The following ITGB1BP2 variants were observed in gnomAD, a reference collection of about 807,000 sequenced individuals.
The protein encoded by ITGB1BP2 is integrin subunit beta 1 binding protein 2.
ITGB1BP2 carries 27 observed loss-of-function variants against 32.2 expected under a neutral mutation model. That is an observed-to-expected ratio of 0.84 (90% CI 0.62 to 1.16). The LOEUF is 1.16. ITGB1BP2 is among the 50% of genes most tolerant of loss of function. The pLI, the probability that ITGB1BP2 is intolerant of heterozygous loss-of-function variation, is 0.00. For synonymous variants in ITGB1BP2, 105 were observed against 94.7 expected (o/e 1.11, Z -0.63); for missense variants, 250 against 267.3 (o/e 0.94, Z 0.45).
chrX:71,302,361 C>T (rs1343932552), intron 3 of ITGB1BP2, 28 bp downstream of exon 3: 2 of 1,207,012 alleles, frequency 1.7e-6, no homozygotes, highest in Admixed American at 2.2e-5. Flanking sequence ...TTGGATTCTG[C>T]CCCCAATAGA....
At position 71,303,881 on chromosome X, in the gene ITGB1BP2, C is replaced by T. The variant is rs1011408586; in HGVS notation, c.609C>T (p.Cys203=). 1.7e-5 allele frequency: 20 copies of T among 1,208,331 alleles called. No individual in the cohort carries two copies. Among genetic ancestry groups the T allele is most frequent in the Non-Finnish European group, 2.2e-5 (20 of 893,668 alleles). Residue 203 remains cysteine, a synonymous_variant, in exon 8 of 11, where the codon TGC becomes TGT. Coordinates refer to ENST00000373829, the MANE Select transcript of ITGB1BP2 (RefSeq NM_012278.4). ...DFGAFLAQPG[C]RVGRHDWGKQ... ...GGGCATTCTTGGCACAACCAGGGTG[C>T]AGAGTCGGTAGACATGACTGGGGGA... is the stretch of plus-strand genomic sequence containing the variant.
Position 71,305,189 on chromosome X carries a change from A to G in ITGB1BP2, c.1041A>G (p.Glu347=). 8.4e-7 allele frequency: 1 copy of G among 1,187,398 alleles called. No homozygotes were observed. Among genetic ancestry groups the G allele is most frequent in the Non-Finnish European group, 1.1e-6 (1 of 877,291 alleles). ...AGGAAGAGGAGGAAGCAATGGGGGA[A>G]TAGTGACACCAGACAGTTGATGTCT... ...EEEEEEEAMG[E] is the part of the protein sequence containing the mutation. The change falls in exon 11 of 11, where the codon GAA becomes GAG. Residue 347 remains glutamate (E), a synonymous_variant. Transcript: ENST00000373829.
intron 4 of ITGB1BP2, 150 bp from the exon 5 acceptor site, chrX:71,303,112 A>G: frequency 2.1e-6 from 1 of 475,749 alleles, no homozygotes; most frequent in Non-Finnish European, 3.6e-6. Context: ...GTCCACAGAG[A>G]TGAAAATTGG....
At chrX:71,302,049 C>G in intron 1 of ITGB1BP2, 88 bp from the exon 2 acceptor site, 1 of 1,019,876 alleles carries the variant, frequency 9.8e-7, no homozygotes. Flanking sequence ...TGGGAAGAAA[C>G]CATAAATAGA....
rs536662823 is a variant in ITGB1BP2 at position 71,302,065 on chromosome X, G to A, written c.65-72G>A. 6.9e-5 allele frequency: 75 copies of A among 1,080,275 alleles called. No individual in the cohort carries two copies. The South Asian group carries it at 1.3e-3, about 19-fold the overall frequency. 89.0% of individuals were successfully genotyped at this position (1,080,275 alleles called of 1,213,427 possible). On this transcript the variant is annotated intron_variant, in intron 1 of 10. Coordinates refer to ENST00000373829, the MANE Select transcript of ITGB1BP2 (RefSeq NM_012278.4). The stretch of plus-strand genomic sequence containing the variant: ...GGGAAGAAACCATAAATAGAAACCC[G>A]GGGAAGAGGTGAAAAATGATACTTG...
intron 10 of ITGB1BP2, 88 bp from the exon 11 acceptor site, chrX:71,304,877 T>G: frequency 1.4e-6 from 1 of 706,795 alleles, no homozygotes; most frequent in Non-Finnish European, 2.1e-6. Context: ...AAAATTTCTC[T>G]CTCTCATTTG....
chrX:71,304,406 C>G (rs970308152), intron 9 of ITGB1BP2, 106 bp downstream of exon 9: 2 of 867,148 alleles, frequency 2.3e-6, no homozygotes, highest in African/African-American at 4.0e-5. Flanking sequence ...CCATAGTACC[C>G]TTAGAGGAAA....
chrX:71,303,424 G>T (rs746927439), intron 5 of ITGB1BP2, 37 bp from the exon 6 acceptor site: 4 of 1,209,819 alleles, frequency 3.3e-6, no homozygotes, highest in Non-Finnish European at 2.2e-6. Flanking sequence ...TTGAGTGGGG[G>T]GATGGATAAG....
At position 71,302,120 on chromosome X, in the gene ITGB1BP2, TCTA is replaced by T; in HGVS notation, c.65-14_65-12del. 3.3e-6 allele frequency: 4 copies of T among 1,205,172 alleles called. No homozygotes were observed. Among genetic ancestry groups the T allele is most frequent in the Admixed American group, 2.2e-5 (1 of 45,405 alleles). On this transcript the variant is annotated splice_polypyrimidine_tract_variant and intron_variant, in intron 1 of 10. Transcript: ENST00000373829. ...AGTTATCTTCCCTTCCTTGATAACT[TCTA>T]CTGATGTCCACAGATTCCTGTTGCC...
At chrX:71,302,063 C>T (rs2031620928) in intron 1 of ITGB1BP2, 74 bp from the exon 2 acceptor site, 1 of 1,080,616 alleles carries the variant, frequency 9.3e-7, no homozygotes, top group African/African-American at 1.9e-5. Context: ...AAATAGAAAC[C>T]CGGGGAAGAG....
chrX:71,304,742 C>G (rs2031668540), intron 10 of ITGB1BP2, 138 bp downstream of exon 10: 1 of 514,115 alleles, frequency 1.9e-6, no homozygotes, highest in Admixed American at 3.7e-5. Context: ...CATTTTCTCT[C>G]TCTCTCCTAC....
chrX:71,304,223 G>A lies in ITGB1BP2; in HGVS notation c.676G>A (p.Asp226Asn), dbSNP rs1436801082. Residue 226 changes from aspartate (D) to asparagine (N), a missense_variant, in exon 9 of 11, where the codon GAT becomes AAT. Physicochemically the swap from Asp to Asn is conservative, Grantham distance 23 (BLOSUM62 1). Coordinates refer to ENST00000373829, the MANE Select transcript of ITGB1BP2 (RefSeq NM_012278.4). ...TTGCCGCCATGATTGGCACCAGACA[G>A]ATTCCTTAGTAGTGGTGACTGTATA... is the stretch of plus-strand genomic sequence containing the variant. ...ASCRHDWHQT[D>N]SLVVVTVYGQ... The A allele has an allele frequency of 8.3e-6, 10 of 1,209,206 alleles. No individual in the cohort carries two copies. Among genetic ancestry groups the A allele is most frequent in the African/African-American group, 7.0e-5 (4 of 57,227 alleles).
chrX:71,303,745 C>G (rs1321035656), intron 7 of ITGB1BP2, 48 bp downstream of exon 7: 1 of 1,184,684 alleles, frequency 8.4e-7, no homozygotes, highest in Non-Finnish European at 1.1e-6. Flanking sequence ...ACAGGTTTCT[C>G]CTAATATTTG....
At chrX:71,304,758 C>G (rs943517324) in intron 10 of ITGB1BP2, 154 bp downstream of exon 10, 3 of 495,671 alleles carry the variant, frequency 6.1e-6, no homozygotes. Flanking sequence ...CCTACTCTTC[C>G]TATTTCCCTC....
At chrX:71,302,585 C>A in intron 4 of ITGB1BP2, 29 bp downstream of exon 4, 2 of 1,176,792 alleles carry the variant, frequency 1.7e-6, no homozygotes, top group Non-Finnish European at 2.3e-6. Flanking sequence ...CTGGACTTTT[C>A]TTATTTTCAT....
At position 71,301,872 on chromosome X, in the gene ITGB1BP2, T is replaced by C; in HGVS notation, c.64+2T>C. The C allele has an allele frequency of 1.7e-6, 2 of 1,199,979 alleles. No homozygotes were observed. Among genetic ancestry groups the C allele is most frequent in the Non-Finnish European group, 2.3e-6 (2 of 885,106 alleles). On this transcript the variant is annotated splice_donor_variant, in intron 1 of 10. Coordinates refer to ENST00000373829, the MANE Select transcript of ITGB1BP2 (RefSeq NM_012278.4). LOFTEE classifies it high-confidence loss of function. ...TTGACCCTAATACCAACCTTCCTGG[T>C]GAGTAAAGAATCCTGACCTGGCCAG...
In ITGB1BP2 at chrX:71,303,926, T is replaced by C. The variant is rs1023260145; in HGVS notation, c.639+15T>C. 1 of 1,156,346 alleles carries C rather than the reference T, an allele frequency of 8.6e-7. No homozygotes were observed. Among genetic ancestry groups the C allele is most frequent in the Non-Finnish European group, 1.2e-6 (1 of 851,257 alleles). On this transcript the variant is annotated intron_variant, in intron 8 of 10. Coordinates refer to ENST00000373829, the MANE Select transcript of ITGB1BP2 (RefSeq NM_012278.4). ...GGGGGAAGCAGGTAAGCCCCAGCTT[T>C]CCTGAACTCTTGATTAGAACCCAAT...
In ITGB1BP2 at chrX:71,302,191, G is replaced by A. The variant is rs200588853; in HGVS notation, c.114+5G>A. On this transcript the variant is annotated splice_donor_5th_base_variant and intron_variant, in intron 2 of 10. Transcript: ENST00000373829. Reference sequence around the variant, plus strand: ...ATCTTCCATGATGCACTTAAGGTGAGGAGTAGGTGAGGGGGGTTAGCAAGA... The same window carrying A: ...ATCTTCCATGATGCACTTAAGGTGAAGAGTAGGTGAGGGGGGTTAGCAAGA... The A allele has an allele frequency of 4.1e-6, 5 of 1,208,509 alleles. No individual in the cohort carries two copies. The highest frequency in any genetic ancestry group is 5.6e-6 in the Non-Finnish European group (5 of 894,720).
chrX:71,304,124 A>G (rs1454648770), intron 8 of ITGB1BP2, 63 bp from the exon 9 acceptor site: 2 of 905,601 alleles, frequency 2.2e-6, no homozygotes, highest in Non-Finnish European at 3.2e-6. Flanking sequence ...CACGTGCATC[A>G]TGAGAACTCC....
Sources: gnomAD v4.1 joint callset for allele counts on GRCh38, gnomAD v4.1.1 for gene constraint, MANE v1.5 for transcripts, NCBI Gene and HGNC (gene_info 2026-07-23, HGNC 2026-07-21) for gene names.